ODR4: variants seen among roughly 807,000 people sequenced by gnomAD.
The protein encoded by ODR4 is odr-4 GPCR localization factor homolog.
Under a neutral mutation model 60.2 loss-of-function variants are expected in ODR4, and 47 were observed. The observed-to-expected ratio is 0.78, with a 90% CI of 0.62 to 1.00. ODR4 has a LOEUF of 1.00. Ranked by LOEUF, ODR4 falls within the 50% of genes least tolerant of loss-of-function variation. ODR4 has a pLI of 0.00. For missense variants in ODR4, 488 were observed against 530.8 expected, an observed-to-expected ratio of 0.92 and a Z score of 0.79; for synonymous variants, 178 against 175.5, an observed-to-expected ratio of 1.01 and a Z score of -0.11.
At chr1:186,414,612 T>A (rs1661493624) in intron 12 of ODR4, among the ~76,000 whole-genome samples, 1 of 151,552 alleles carries the variant, frequency 6.6e-6, no homozygotes, top group Non-Finnish European at 1.5e-5. Flanking sequence ...CTCTGCCTCC[T>A]GGGTTCACGC....
Position 186,399,340 on chromosome 1 carries a change from G to T in ODR4, c.1000+296G>T, listed in dbSNP as rs959470057. The T allele has an allele frequency of 5.1e-5, 19 of 373,804 alleles. No homozygotes were observed. In the Admixed American group the frequency reaches 6.4e-4, roughly 13 times the overall value. The allele number at this position is 373,804 out of a possible 1,614,324, so 23.2% of individuals were successfully genotyped here. On this transcript the variant is annotated intron_variant, in intron 11 of 13. Coordinates refer to ENST00000287859, the MANE Select transcript of ODR4 (RefSeq NM_017847.6). ...CCTACCTCAGCCTCCCTAGTAGGTG[G>T]GCCTGCAGGCACATGCCATGATGCC...
intron 5 of ODR4, 116 bp downstream of exon 5, chr1:186,388,664 A>G: frequency 1.7e-6 from 1 of 572,542 alleles, no homozygotes; most frequent in Non-Finnish European, 3.0e-6. Flanking sequence ...GTTTTGTAAG[A>G]TTTTTCTGTA....
intron 2 of ODR4, among the ~76,000 whole-genome samples, chr1:186,382,068 A>G (rs1157855408): frequency 3.9e-5 from 6 of 151,964 alleles, no homozygotes; most frequent in African/African-American, 1.2e-4. Context: ...CCCTACATTT[A>G]TTTTTAGATC....
chr1:186,430,858 C>CT, the ODR4 span, among the ~76,000 whole-genome samples: 243 of 144,500 alleles, frequency 1.7e-3, 1 homozygote, highest in East Asian at 0.014. Context: ...CCCTCCCTCC[C>CT]TTTTTTTTTT....
At position 186,383,043 on chromosome 1, in the gene ODR4, G is replaced by GT; in HGVS notation, c.122dup (p.Ile42AspfsTer5). 6.3e-7 allele frequency: 1 copy of GT among 1,584,516 alleles called. No homozygotes were observed. The highest frequency in any genetic ancestry group is 1.2e-5 in the South Asian group (1 of 86,432). ...GAAGTGTTCGTCACAAAAGGATTAT[G>GT]TGATTCTTGCCACTAGAACGCCACC... On this transcript the variant is annotated frameshift_variant, in exon 3 of 14. Coordinates refer to ENST00000287859, the MANE Select transcript of ODR4 (RefSeq NM_017847.6). LOFTEE classifies it high-confidence loss of function.
At chr1:186,399,469 G>A (rs953017572) in intron 11 of ODR4, among the ~76,000 whole-genome samples, 7 of 152,008 alleles carry the variant, frequency 4.6e-5, no homozygotes, top group South Asian at 2.1e-4. Flanking sequence ...TTGGCTTCCC[G>A]AAGTGCTGGG....
downstream of ODR4, among the ~76,000 whole-genome samples, chr1:186,425,424 A>G (rs1045240130): frequency 1.3e-5 from 2 of 152,202 alleles, no homozygotes; most frequent in Non-Finnish European, 1.5e-5. Context: ...CTGGGAGCAC[A>G]GAATGTATGT....
At chr1:186,383,197 A>G (rs1306176895) in intron 3 of ODR4, 41 bp downstream of exon 3, 18 of 1,525,262 alleles carry the variant, frequency 1.2e-5, no homozygotes, top group Non-Finnish European at 1.5e-5. Context: ...GTTTTATTTC[A>G]AAAAAGAGCT....
At chr1:186,394,221 T>A (rs1660583530) in intron 9 of ODR4, among the ~76,000 whole-genome samples, 1 of 152,158 alleles carries the variant, frequency 6.6e-6, no homozygotes, top group African/African-American at 2.4e-5. Flanking sequence ...TATTAAAATT[T>A]TAACATCAAT....
intron 12 of ODR4, among the ~76,000 whole-genome samples, chr1:186,408,012 G>A (rs1321190769): frequency 6.6e-6 from 1 of 152,024 alleles, no homozygotes; most frequent in Non-Finnish European, 1.5e-5. Context: ...TTACCCTGAC[G>A]AAGCTAATGC....
chr1:186,386,564 T>G (rs2697461), intron 4 of ODR4, among the ~76,000 whole-genome samples: 1 of 152,176 alleles, frequency 6.6e-6, no homozygotes, highest in African/African-American at 2.4e-5. Flanking sequence ...TCTAATAATT[T>G]GTTGTAAAAA....
At chr1:186,414,891 A>G (rs891121589) in intron 12 of ODR4, among the ~76,000 whole-genome samples, 1 of 152,182 alleles carries the variant, frequency 6.6e-6, no homozygotes, top group African/African-American at 2.4e-5. Flanking sequence ...TATTTGATGT[A>G]AAATTGTATG....
rs774345308 is a variant in ODR4, at chr1:186,406,259, A to T, written c.1177A>T (p.Thr393Ser). 1 of 1,601,882 alleles carries T rather than the reference A, an allele frequency of 6.2e-7. No individual in the cohort carries two copies. Among genetic ancestry groups the T allele is most frequent in the Non-Finnish European group, 8.5e-7 (1 of 1,174,420 alleles). The change falls in exon 12 of 14, where the codon ACA becomes TCA. Residue 393 changes from threonine to serine, a missense_variant. Coordinates refer to ENST00000287859, the MANE Select transcript of ODR4 (RefSeq NM_017847.6). The part of the protein sequence containing the change: ...QIEDLEIAEE[T>S]NTACMSSSMN... ...AGAAGATTTGGAAATTGCAGAGGAA[A>T]CAAACACAGGTCATTATATGATGCT...
At chr1:186,383,778 C>T (rs1052640624) in intron 3 of ODR4, among the ~76,000 whole-genome samples, 2 of 151,492 alleles carry the variant, frequency 1.3e-5, no homozygotes, top group African/African-American at 4.9e-5. Flanking sequence ...AAAATCTTGC[C>T]TGTAATCCCA....
chr1:186,411,308 C>G (rs1661375320), intron 12 of ODR4, among the ~76,000 whole-genome samples: 1 of 152,100 alleles, frequency 6.6e-6, no homozygotes, highest in Non-Finnish European at 1.5e-5. Context: ...TGTACTACTT[C>G]TATGTTTCAC....
intron 1 of ODR4, among the ~76,000 whole-genome samples, chr1:186,379,124 A>T (rs1486152914): frequency 6.6e-6 from 1 of 152,178 alleles, no homozygotes; most frequent in African/African-American, 2.4e-5. Flanking sequence ...AGATAATACA[A>T]CTAGGGAGTA....
chr1:186,417,688 A>G, intron 13 of ODR4, 34 bp downstream of exon 13: 1 of 1,097,330 alleles, frequency 9.1e-7, no homozygotes, highest in Non-Finnish European at 1.3e-6. Flanking sequence ...AACACTGAAA[A>G]CATATTTAGA....
At chr1:186,386,811 G>C (rs1333024835) in intron 4 of ODR4, among the ~76,000 whole-genome samples, 1 of 152,094 alleles carries the variant, frequency 6.6e-6, no homozygotes, top group Non-Finnish European at 1.5e-5. Flanking sequence ...GAGATCCTGA[G>C]AGTAAAACAT....
chr1:186,408,098 T>C (rs1661235947), intron 12 of ODR4, among the ~76,000 whole-genome samples: 1 of 152,132 alleles, frequency 6.6e-6, no homozygotes, highest in Non-Finnish European at 1.5e-5. Flanking sequence ...TAAATTATCA[T>C]TCCTTGTAAC....
Sources: allele counts gnomAD v4.1 joint callset (sites outside exome capture counted in the v4.1 genomes callset), GRCh38; gene constraint gnomAD v4.1.1; transcripts MANE v1.5; gene names NCBI Gene and HGNC (gene_info 2026-07-23, HGNC 2026-07-21).